The following TET1 variants were observed in gnomAD, a reference collection of about 807,000 sequenced individuals.
The protein encoded by TET1 is methylcytosine dioxygenase TET1.
Under a neutral mutation model 148.7 loss-of-function variants are expected in TET1, and 13 were observed. The observed-to-expected ratio is 0.09, with a 90% CI of 0.06 to 0.14. The LOEUF is 0.14. Ranked by LOEUF, TET1 falls within the 10% of genes least tolerant of loss-of-function variation. TET1 has a pLI of 1.00. For synonymous variants in TET1, 907 were observed against 937.2 expected, an observed-to-expected ratio of 0.97 and a Z score of 0.59; for missense variants, 2,182 against 2,553.8, an observed-to-expected ratio of 0.85 and a Z score of 3.14.
chr10:68,675,514 G>A (rs902818968), intron 8 of TET1, among the ~76,000 whole-genome samples: 18 of 151,856 alleles, frequency 1.2e-4, no homozygotes, highest in African/African-American at 3.9e-4. Context: ...TTTTAAGAAC[G>A]GATGGGACGA....
At chr10:68,582,735 T>C (rs2053812520) in intron 2 of TET1, among the ~76,000 whole-genome samples, 1 of 152,158 alleles carries the variant, frequency 6.6e-6, no homozygotes, top group South Asian at 2.1e-4. Context: ...TATCTCATTA[T>C]GGCATATGTT....
At chr10:68,658,331 C>T (rs2055056016) in intron 6 of TET1, among the ~76,000 whole-genome samples, 1 of 152,042 alleles carries the variant, frequency 6.6e-6, no homozygotes, top group South Asian at 2.1e-4. Flanking sequence ...CCTGCCTCAG[C>T]CTTCACCATG....
chr10:68,630,696 T>C (rs368614482), intron 3 of TET1, among the ~76,000 whole-genome samples: 7 of 152,278 alleles, frequency 4.6e-5, no homozygotes, highest in African/African-American at 1.7e-4. Flanking sequence ...GATCTTGTCT[T>C]GATAGGGGAG....
chr10:68,645,788 G>C lies in TET1; in HGVS notation c.3059G>C (p.Ser1020Thr), dbSNP rs772240396. The C allele has an allele frequency of 5.0e-6, 8 of 1,613,834 alleles. No homozygotes were observed. The Admixed American group carries it at 5.0e-5, about 10-fold the overall frequency. The change falls in exon 4 of 12, where the codon AGT (serine) becomes ACT (threonine). Residue 1020 changes from serine (S) to threonine (T), a missense_variant. Transcript: ENST00000373644. ...SNSSKIDTNK[S>T]IAQGIITLDN... ...TCATCCAAGATTGACACCAATAAAA[G>C]TATTGCTCAAGGGATAATTACTCTT...
intron 8 of TET1, among the ~76,000 whole-genome samples, chr10:68,678,390 A>C (rs2055392123): frequency 6.6e-6 from 1 of 152,226 alleles, no homozygotes; most frequent in Non-Finnish European, 1.5e-5. Flanking sequence ...CTGAAACTTA[A>C]GAAATGGTCT....
At chr10:68,673,472 G>A (rs1251285645) in intron 8 of TET1, 2 of 387,240 alleles carry the variant, frequency 5.2e-6, no homozygotes, top group African/African-American at 2.1e-5. Flanking sequence ...GAATCAGTCC[G>A]GGACACGAGG....
intron 10 of TET1, among the ~76,000 whole-genome samples, chr10:68,685,358 C>T (rs1001563564): frequency 5.3e-5 from 8 of 152,046 alleles, no homozygotes; most frequent in Non-Finnish European, 1.2e-4. Flanking sequence ...CATTTATCTC[C>T]AGTCTTCGCT....
intron 1 of TET1, among the ~76,000 whole-genome samples, chr10:68,571,788 A>G (rs952414061): frequency 6.6e-6 from 1 of 151,908 alleles, no homozygotes; most frequent in South Asian, 2.1e-4. Context: ...GTCTCCTAAA[A>G]TGCTGGGATC....
intron 10 of TET1, among the ~76,000 whole-genome samples, chr10:68,685,728 A>G (rs999311907): frequency 6.6e-6 from 1 of 152,172 alleles, no homozygotes; most frequent in Non-Finnish European, 1.5e-5. Flanking sequence ...TTAAGATGAA[A>G]AAAGTTGGCT....
chr10:68,675,160 A>T (rs1443260981), intron 8 of TET1: 1 of 335,082 alleles, frequency 3.0e-6, no homozygotes, highest in Admixed American at 4.2e-5. Context: ...GGGGGAAAAA[A>T]GTGTCTGTTA....
At chr10:68,621,878 GA>G (rs2054376502) in intron 3 of TET1, among the ~76,000 whole-genome samples, 1 of 152,090 alleles carries the variant, frequency 6.6e-6, no homozygotes, top group Non-Finnish European at 1.5e-5. Context: ...AGGGTCTTGG[GA>G]ACAGGAGTAT....
intron 4 of TET1, among the ~76,000 whole-genome samples, chr10:68,647,812 C>T (rs1194835195): frequency 6.6e-6 from 1 of 152,154 alleles, no homozygotes; most frequent in East Asian, 1.9e-4. Context: ...AGAATTGAAG[C>T]TGGTTTATGT....
At chr10:68,673,384 A>G in intron 8 of TET1, 1 of 297,836 alleles carries the variant, frequency 3.4e-6, no homozygotes, top group Non-Finnish European at 6.6e-6. Context: ...AAGACTCAGA[A>G]AGTTTACTAC....
rs768475374 is a variant in TET1 at position 68,691,167 on chromosome 10, A to G, written c.5764A>G (p.Ile1922Val). 5 of 1,613,974 alleles carry G rather than the reference A, an allele frequency of 3.1e-6. No homozygotes were observed. Among genetic ancestry groups the G allele is most frequent in the Non-Finnish European group, 4.2e-6 (5 of 1,180,012 alleles). ...TLSAPVMEPLINSEPSTGVTE... is the reference protein window; with the variant it reads ...TLSAPVMEPLVNSEPSTGVTE... ...GTCTGCTCCTGTGATGGAGCCCCTC[A>G]TTAATTCTGAGCCTTCCACTGGTGT... is the stretch of plus-strand genomic sequence containing the variant. The change falls in exon 12 of 12, where the codon ATT becomes GTT. Residue 1922 changes from isoleucine to valine, a missense_variant. Coordinates refer to ENST00000373644, the MANE Select transcript of TET1 (RefSeq NM_030625.3). This position sits in a 1 kb window ranked among gnomAD's most constrained non-coding sequence, Gnocchi z 4.4.
rs773967605 is a variant in TET1, at chr10:68,646,510, G to A, written c.3781G>A (p.Asp1261Asn). 6.2e-7 allele frequency: 1 copy of A among 1,614,086 alleles called. No homozygotes were observed. Among genetic ancestry groups the A allele is most frequent in the South Asian group, 1.1e-5 (1 of 91,074 alleles). ...GGAAAAGGTGAAGGTTGAACCATTG[G>A]ATTCACTCAGCTTATTTCATCTTAA... is the stretch of plus-strand genomic sequence containing the variant. ...AEEKVKVEPL[D>N]SLSLFHLKTE... is the part of the protein sequence containing the mutation. The change falls in exon 4 of 12, where the codon GAT becomes AAT. Residue 1261 changes from aspartate (D) to asparagine (N), a missense_variant. Physicochemically the swap from Asp to Asn is conservative, Grantham distance 23. This residue lies in a region of TET1 where 582 missense variants were observed against 599.5 expected (regional missense o/e 0.97). Transcript: ENST00000373644.
rs1224760636 is a variant in TET1 at position 68,572,297 on chromosome 10, C to G, written c.-42C>G. 2.0e-6 allele frequency: 3 copies of G among 1,505,226 alleles called. No individual in the cohort carries two copies. Among genetic ancestry groups the G allele is most frequent in the Admixed American group, 4.5e-5 (2 of 44,206 alleles). The allele number at this position is 1,505,226 out of a possible 1,614,324, so 93.2% of individuals were successfully genotyped here. A position where few individuals can be genotyped will look rare whatever the true frequency, so the allele number is the denominator to read the frequency against. ...GTGAGACTTTCCAAAGGACCAATGA[C>G]TCTGTTTCCTGCGCCCTTTCATTTT... On this transcript the variant is annotated 5_prime_UTR_variant, in exon 2 of 12. Coordinates refer to ENST00000373644, the MANE Select transcript of TET1 (RefSeq NM_030625.3).
chr10:68,686,852 T>C, intron 11 of TET1, 145 bp downstream of exon 11: 1 of 754,190 alleles, frequency 1.3e-6, no homozygotes, highest in South Asian at 2.2e-5. Flanking sequence ...AACAAAAAAG[T>C]GACCCATCAG....
At chr10:68,577,672 G>T (rs1191485874) in intron 2 of TET1, among the ~76,000 whole-genome samples, 2 of 152,090 alleles carry the variant, frequency 1.3e-5, no homozygotes, top group Non-Finnish European at 2.9e-5. Context: ...GCAGAGCATG[G>T]TGGTGCCCAC....
At position 68,690,875 on chromosome 10, in the gene TET1, T is replaced by G. The variant is rs761037648; in HGVS notation, c.5472T>G (p.Ser1824Arg). ...CCGAACCCCATTTTATCTTAAAAAG[T>G]TCAGACAACACTAAAACTTATTCGC... ...SETEPHFILK[S>R]SDNTKTYSLM... Residue 1824 changes from serine (S) to arginine (R), a missense_variant, in exon 12 of 12, where the codon AGT (serine) becomes AGG (arginine). Around this residue, in one of 11 missense-constraint regions of TET1, gnomAD observed 380 missense variants for 387.9 expected, o/e 0.98. Transcript: ENST00000373644. The G allele has an allele frequency of 6.2e-7, 1 of 1,614,152 alleles. No individual in the cohort carries two copies. The highest frequency in any genetic ancestry group is 1.1e-5 in the South Asian group (1 of 91,080).
Sources: allele counts gnomAD v4.1 joint callset (sites outside exome capture counted in the v4.1 genomes callset), GRCh38; gene constraint gnomAD v4.1.1; regional missense constraint gnomAD v4.1.1; non-coding constraint Gnocchi (gnomAD v3.1); transcripts MANE v1.5; gene names NCBI Gene and HGNC (gene_info 2026-07-23, HGNC 2026-07-21).